The following KANSL1 variants were observed in gnomAD, a reference collection of about 807,000 sequenced individuals.
KANSL1 encodes KAT8 regulatory NSL complex subunit 1.
In KANSL1, 22 loss-of-function variants were observed where a neutral mutation model predicts 103.6. The observed-to-expected ratio is 0.21, with a 90% CI of 0.15 to 0.30. The LOEUF is 0.30. KANSL1 is among the 10% of genes least tolerant of loss of function. KANSL1 has a pLI of 1.00. For missense variants in KANSL1, 1,337 were observed against 1,399.8 expected (o/e 0.96, Z 0.72); for synonymous variants, 600 against 527.6 (o/e 1.14, Z -1.88).
At chr17:46,141,624 A>G (rs1218522345) in intron 2 of KANSL1, among the ~76,000 whole-genome samples, 1 of 152,268 alleles carries the variant, frequency 6.6e-6, no homozygotes, top group Non-Finnish European at 1.5e-5. Context: ...AATTAAAAAG[A>G]ACAAAATGCC....
intron 4 of KANSL1, among the ~76,000 whole-genome samples, chr17:46,077,569 T>G (rs1170349411): frequency 1.3e-5 from 2 of 152,208 alleles, no homozygotes; most frequent in Non-Finnish European, 2.9e-5. Context: ...TTTTTTATTT[T>G]ATTTTTGAGA....
chr17:46,216,391 G>A (rs976184660), intron 1 of KANSL1, among the ~76,000 whole-genome samples: 1 of 152,116 alleles, frequency 6.6e-6, no homozygotes, highest in African/African-American at 2.4e-5. Context: ...CCTGAGATCA[G>A]GAGTTCGAGA....
At chr17:46,103,253 A>C (rs1420437751) in intron 2 of KANSL1, among the ~76,000 whole-genome samples, 2 of 152,202 alleles carry the variant, frequency 1.3e-5, no homozygotes, top group Non-Finnish European at 2.9e-5. Context: ...AAAATTTACA[A>C]ATACAAGCTA....
chr17:46,104,753 T>C (rs552959676), intron 2 of KANSL1, among the ~76,000 whole-genome samples: 2 of 152,320 alleles, frequency 1.3e-5, no homozygotes, highest in South Asian at 4.1e-4. Flanking sequence ...TGACTGGCTG[T>C]AGGACTGAAC....
At chr17:46,207,522 AAAG>A (rs2048011510) in intron 1 of KANSL1, among the ~76,000 whole-genome samples, 1 of 112,116 alleles carries the variant, frequency 8.9e-6, no homozygotes, top group African/African-American at 2.6e-5. Context: ...AAAAAAAAAA[AAAG>A]AAAAGAAAAC....
At chr17:46,058,739 ACACACTCTCTCTCTCTCT>A (rs1423744403) in intron 6 of KANSL1, among the ~76,000 whole-genome samples, 364 of 30,058 alleles carry the variant, frequency 0.012, 1 homozygote, top group Middle Eastern at 0.043. Context: ...ACACACACAC[ACACACTCTCTCTCTCTCT>A]CTCTCTCTCT....
intron 1 of KANSL1, among the ~76,000 whole-genome samples, chr17:46,185,725 A>ACACC (rs2046999994): frequency 6.7e-6 from 1 of 149,670 alleles, no homozygotes; most frequent in South Asian, 2.1e-4. Context: ...ACACACACAC[A>ACACC]CACACACACG....
At chr17:46,061,043 C>A (rs1375386587) in intron 6 of KANSL1, among the ~76,000 whole-genome samples, 1 of 152,106 alleles carries the variant, frequency 6.6e-6, no homozygotes, top group African/African-American at 2.4e-5. Flanking sequence ...ATAAAAATTT[C>A]AAGGGTATGT....
intron 2 of KANSL1, among the ~76,000 whole-genome samples, chr17:46,117,607 CAGAG>C (rs72069626): frequency 2.6e-5 from 4 of 152,122 alleles, no homozygotes; most frequent in African/African-American, 7.3e-5. Context: ...CAAAGATTTT[CAGAG>C]AGTCTATCTA....
chr17:46,127,919 T>A (rs953344894), intron 2 of KANSL1, among the ~76,000 whole-genome samples: 2 of 152,194 alleles, frequency 1.3e-5, no homozygotes, highest in Non-Finnish European at 2.9e-5. Flanking sequence ...TTCACCCTCA[T>A]GTATGTATGA....
intron 7 of KANSL1, among the ~76,000 whole-genome samples, chr17:46,047,918 C>A (rs1204547807): frequency 1.3e-5 from 2 of 151,752 alleles, no homozygotes; most frequent in Admixed American, 6.6e-5. Flanking sequence ...CCACTCCCCC[C>A]GCCACCAAGA....
Position 46,031,161 on chromosome 17 carries a change from G to A in KANSL1, c.*315C>T, listed in dbSNP as rs767649413. 37 of 422,742 alleles carry A rather than the reference G, an allele frequency of 8.8e-5. No homozygotes were observed. Among genetic ancestry groups the A allele is most frequent in the Non-Finnish European group, 1.5e-4 (35 of 230,744 alleles). The allele number at this position is 422,742 out of a possible 1,614,324, so 26.2% of individuals were successfully genotyped here. A position where few individuals can be genotyped will look rare whatever the true frequency, so the allele number is the denominator to read the frequency against. ...CCTGCCCACAGGTGTGAGGGAGGGG[G>A]TGGTCATCTAAGATCAGTAAGTCCA... On this transcript the variant is annotated 3_prime_UTR_variant, in exon 15 of 15. Transcript: ENST00000432791.
chr17:46,067,492 C>A, intron 5 of KANSL1, 57 bp downstream of exon 5: 2 of 1,066,030 alleles, frequency 1.9e-6, no homozygotes, highest in Non-Finnish European at 1.5e-6. Context: ...GAACTAAGAG[C>A]TCCAAAACAC....
At chr17:46,141,698 A>G (rs537692049) in intron 2 of KANSL1, among the ~76,000 whole-genome samples, 2 of 152,382 alleles carry the variant, frequency 1.3e-5, no homozygotes, top group Admixed American at 1.3e-4. Context: ...GGCAACCCAT[A>G]TTCTGGAAAG....
chr17:46,166,280 G>T (rs976756096), intron 2 of KANSL1, among the ~76,000 whole-genome samples: 1 of 151,704 alleles, frequency 6.6e-6, no homozygotes, highest in African/African-American at 2.4e-5. Flanking sequence ...GGGAGGCCAA[G>T]GCGGGTAGAT....
In KANSL1 at chr17:46,126,599, A is replaced by T. The variant is rs867224571; in HGVS notation, c.1290-31898T>A. On this transcript the variant is annotated intron_variant, in intron 2 of 14. Coordinates refer to ENST00000432791, the MANE Select transcript of KANSL1 (RefSeq NM_015443.4). ...ATAAAGGGGGGCTTTAAAACATGAA[A>T]TTTTTTTTTCTTAATAAGAACTGTA... Among the ~76,000 whole-genome samples, 6 of 151,744 alleles carry T rather than the reference A, an allele frequency of 4.0e-5. No individual in the cohort carries two copies. The East Asian group carries it at 5.8e-4, about 15-fold the overall frequency.
chr17:46,068,819 G>C (rs1451536955), intron 4 of KANSL1, among the ~76,000 whole-genome samples: 1 of 152,136 alleles, frequency 6.6e-6, no homozygotes, highest in Non-Finnish European at 1.5e-5. Flanking sequence ...CAGTATGAAT[G>C]CCAGTCATAT....
chr17:46,164,229 G>C (rs2045887990), intron 2 of KANSL1, among the ~76,000 whole-genome samples: 1 of 152,212 alleles, frequency 6.6e-6, no homozygotes. Context: ...TCACAAGGTG[G>C]CAGAAAACAC....
At chr17:46,109,618 G>A (rs905894032) in intron 2 of KANSL1, among the ~76,000 whole-genome samples, 4 of 152,178 alleles carry the variant, frequency 2.6e-5, no homozygotes, top group African/African-American at 9.7e-5. Flanking sequence ...ATGACTGAGG[G>A]CACAAAGGTG....
Sources: gnomAD v4.1 joint callset for allele counts (sites outside exome capture counted in the v4.1 genomes callset) on GRCh38, gnomAD v4.1.1 for gene constraint, MANE v1.5 for transcripts, NCBI Gene and HGNC (gene_info 2026-07-23, HGNC 2026-07-21) for gene names.